The following PHKA1 variants were observed in gnomAD, a reference collection of about 807,000 sequenced individuals.
PHKA1 encodes the protein phosphorylase kinase regulatory subunit alpha 1, also known as phosphorylase b kinase regulatory subunit alpha, skeletal muscle isoform.
PHKA1 carries 60 observed loss-of-function variants against 110.2 expected under a neutral mutation model. That is an observed-to-expected ratio of 0.54 (90% CI 0.44 to 0.68). The LOEUF (loss-of-function observed/expected upper bound fraction) is 0.68. Among genes scored for constraint, PHKA1 ranks in the 30% least tolerant of loss-of-function variants. PHKA1 has a pLI of 0.00. For missense variants in PHKA1, 801 were observed against 942.5 expected, an observed-to-expected ratio of 0.85 and a Z score of 1.97; for synonymous variants, 316 against 333.6, an observed-to-expected ratio of 0.95 and a Z score of 0.58.
intron 4 of PHKA1, among the ~76,000 whole-genome samples, chrX:72,688,346 C>T (rs1556319657): frequency 8.9e-6 from 1 of 111,875 alleles, no homozygotes; most frequent in Non-Finnish European, 1.9e-5. Context: ...TGGAAAGACG[C>T]CGGTAAAGAG....
At chrX:72,658,335 C>T (rs187321120) in intron 8 of PHKA1, among the ~76,000 whole-genome samples, 40 of 109,089 alleles carry the variant, frequency 3.7e-4, no homozygotes, top group South Asian at 2.1e-3. Flanking sequence ...GGCACGTGAC[C>T]GTAGTCCCAG....
intron 31 of PHKA1, among the ~76,000 whole-genome samples, chrX:72,581,553 C>T (rs1556202095): frequency 9.0e-6 from 1 of 111,629 alleles, no homozygotes; most frequent in African/African-American, 3.3e-5. Context: ...CTACTAATTT[C>T]AGCTTGTATT....
In PHKA1 at chrX:72,670,081, C is replaced by T. The variant is rs945358219; in HGVS notation, c.619-2608G>A. 9.9e-5 allele frequency among the ~76,000 whole-genome samples: 11 copies of T among 111,608 alleles called. No individual in the cohort carries two copies. In the South Asian group the frequency reaches 1.1e-3, roughly 12 times the overall value. On this transcript the variant is annotated intron_variant, in intron 6 of 31. Coordinates refer to ENST00000373542, the MANE Select transcript of PHKA1 (RefSeq NM_002637.4). ...TTTTAATGATCACCGTTCTAACTGG[C>T]GTGAGATGGTATCTCGTTGTGGTTT...
chrX:72,596,412 C>T (rs1439802621), intron 28 of PHKA1, among the ~76,000 whole-genome samples: 2 of 111,178 alleles, frequency 1.8e-5, no homozygotes, highest in African/African-American at 6.5e-5. Context: ...CTATATTGTA[C>T]ACTTAAAAAT....
chrX:72,663,749 A>C (rs1438701257), intron 8 of PHKA1, among the ~76,000 whole-genome samples: 4 of 109,828 alleles, frequency 3.6e-5, no homozygotes, highest in African/African-American at 9.9e-5. Context: ...AAAAAAAAAA[A>C]AAAACCTGTC....
intron 4 of PHKA1, among the ~76,000 whole-genome samples, chrX:72,694,259 G>A (rs1267406640): frequency 8.9e-6 from 1 of 112,258 alleles, no homozygotes; most frequent in African/African-American, 3.2e-5. Context: ...TTGCCTTAAA[G>A]TATTTCACTA....
At chrX:72,631,339 G>A (rs782015504) in intron 16 of PHKA1, among the ~76,000 whole-genome samples, 2 of 111,236 alleles carry the variant, frequency 1.8e-5, no homozygotes, top group Non-Finnish European at 3.8e-5. Flanking sequence ...GAAGGGGGAG[G>A]AGCTCCTCTA....
Position 72,713,721 on chromosome X carries a change from C to T in PHKA1, c.78+82G>A, listed in dbSNP as rs373680799. 4.9e-4 allele frequency: 370 copies of T among 748,626 alleles called. No individual in the cohort carries two copies. The African/African-American group carries it at 6.9e-3, about 14-fold the overall frequency. 61.7% of individuals were successfully genotyped at this position (748,626 alleles called of 1,213,427 possible). ...ACACACCCACACACGCACGCACGCACGGAGTTCATCCAAGGTCTCCGTCCA... is the reference window on the plus strand; with the variant it reads ...ACACACCCACACACGCACGCACGCATGGAGTTCATCCAAGGTCTCCGTCCA... On this transcript the variant is annotated intron_variant, in intron 1 of 31. Transcript: ENST00000373542.
In PHKA1 at chrX:72,597,584, G is replaced by C. The variant is rs1454735663; in HGVS notation, c.3073-4310C>G. Among the ~76,000 whole-genome samples, 45 of 111,814 alleles carry C rather than the reference G, an allele frequency of 4.0e-4. 1 individual carries two copies. In the Admixed American group the frequency reaches 4.3e-3, roughly 11 times the overall value. On this transcript the variant is annotated intron_variant, in intron 28 of 31. Coordinates refer to ENST00000373542, the MANE Select transcript of PHKA1 (RefSeq NM_002637.4). ...ATTTATGAGGTATATGAGACATTTT[G>C]TTACAGGCATACAATGCATAATAAC...
At chrX:72,639,524 G>C (rs184657174) in intron 14 of PHKA1, among the ~76,000 whole-genome samples, 5 of 111,332 alleles carry the variant, frequency 4.5e-5, no homozygotes, top group Non-Finnish European at 9.4e-5. Flanking sequence ...TGGGCAACAA[G>C]AGCAAGACTC....
chrX:72,650,412 C>T lies in PHKA1; in HGVS notation c.1302G>A (p.Pro434=), dbSNP rs782196865. 1.1e-5 allele frequency: 13 copies of T among 1,207,686 alleles called. No individual in the cohort carries two copies. The highest frequency in any genetic ancestry group is 8.9e-5 in the East Asian group (3 of 33,763). ...DPLNRRFSTV[P]KPDVVVQVSI... The stretch of plus-strand genomic sequence containing the variant: ...TACCTTGAACCACAACATCGGGCTT[C>T]GGTACAGTAGAAAACCTGCGATTCA... Residue 434 remains proline (P), a synonymous_variant, in exon 13 of 32, where the codon CCG becomes CCA. Transcript: ENST00000373542.
chrX:72,613,308 T>C (rs1312430904), intron 21 of PHKA1, among the ~76,000 whole-genome samples: 3 of 109,533 alleles, frequency 2.7e-5, no homozygotes, highest in African/African-American at 6.7e-5. Flanking sequence ...ACCTTTTGGA[T>C]AAATAGGGGT....
chrX:72,678,308 A>G (rs975774343), intron 5 of PHKA1, among the ~76,000 whole-genome samples: 8 of 111,389 alleles, frequency 7.2e-5, no homozygotes, highest in African/African-American at 2.6e-4. Flanking sequence ...ACATGTGCAA[A>G]TGTGTATGTG....
chrX:72,601,159 A>AT (rs1556242368), intron 28 of PHKA1, among the ~76,000 whole-genome samples: 1 of 111,778 alleles, frequency 8.9e-6, no homozygotes, highest in East Asian at 2.8e-4. Context: ...ACAACATGGT[A>AT]TTTAGTGACT....
At chrX:72,697,276 T>A (rs2054134989) in intron 3 of PHKA1, 1 of 112,136 alleles carries the variant, frequency 8.9e-6, no homozygotes, top group African/African-American at 3.2e-5. Flanking sequence ...CAGCTGGTGT[T>A]AAATTCTGCT....
chrX:72,630,999 G>GTTTTTTTTTTTTTTTTTTTTTT (rs146161152), intron 16 of PHKA1, among the ~76,000 whole-genome samples: 2 of 44,710 alleles, frequency 4.5e-5, no homozygotes, highest in Non-Finnish European at 7.6e-5. Flanking sequence ...ATTTTTTCAG[G>GTTTTTTTTTTTTTTTTTTTTTT]TTTTTTTTTT....
chrX:72,580,963 A>T lies in PHKA1; in HGVS notation c.*39T>A. On this transcript the variant is annotated 3_prime_UTR_variant, in exon 32 of 32. Transcript: ENST00000373542. ...TGCACAATCAACCGAGGCAGGGACC[A>T]GCTGTCAAAAGGCTCCCAGAAGCCA... 8.6e-7 allele frequency: 1 copy of T among 1,160,802 alleles called. No individual in the cohort carries two copies. The highest frequency in any genetic ancestry group is 1.2e-6 in the Non-Finnish European group (1 of 851,222).
intron 1 of PHKA1, among the ~76,000 whole-genome samples, chrX:72,713,264 G>T (rs913385634): frequency 2.7e-5 from 3 of 110,893 alleles, no homozygotes; most frequent in Non-Finnish European, 3.8e-5. Flanking sequence ...TTGGTGTGGT[G>T]AGAATACTTA....
chrX:72,694,821 C>T (rs2147824276), intron 4 of PHKA1, among the ~76,000 whole-genome samples: 1 of 111,737 alleles, frequency 8.9e-6, no homozygotes, highest in East Asian at 2.8e-4. Context: ...GTAGACATAA[C>T]TCCAGAATTG....
Sources: allele counts gnomAD v4.1 joint callset (sites outside exome capture counted in the v4.1 genomes callset), GRCh38; gene constraint gnomAD v4.1.1; transcripts MANE v1.5; gene names NCBI Gene and HGNC (gene_info 2026-07-23, HGNC 2026-07-21).